SNTG2: variants seen among roughly 807,000 people sequenced by gnomAD.
SNTG2 encodes the protein gamma-2-syntrophin.
A neutral mutation model predicts 70.9 loss-of-function variants in SNTG2; 74 were observed. That is an observed-to-expected ratio of 1.04 (90% CI 0.86 to 1.27). The LOEUF is 1.27. SNTG2 is among the 50% of genes most tolerant of loss of function. The pLI, the probability that SNTG2 is intolerant of heterozygous loss-of-function variation, is 0.00. For synonymous variants in SNTG2, 278 were observed against 273.8 expected, an observed-to-expected ratio of 1.02 and a Z score of -0.15; for missense variants, 717 against 690.7, an observed-to-expected ratio of 1.04 and a Z score of -0.43.
intron 1 of SNTG2, among the ~76,000 whole-genome samples, chr2:1,027,672 G>A: frequency 7.3e-6 from 1 of 136,718 alleles, no homozygotes; most frequent in East Asian, 2.1e-4. Context: ...ATCACTGAAG[G>A]TGCGTCTGAC....
At chr2:1,082,122 G>A (rs898172322) in intron 1 of SNTG2, among the ~76,000 whole-genome samples, 11 of 152,146 alleles carry the variant, frequency 7.2e-5, no homozygotes, top group Admixed American at 3.9e-4. Context: ...TTCCCTCGGC[G>A]ATGGTCTGTG....
At chr2:1,030,774 CCATAAAA>C (rs1660772310) in intron 1 of SNTG2, among the ~76,000 whole-genome samples, 1 of 151,686 alleles carries the variant, frequency 6.6e-6, no homozygotes, top group African/African-American at 2.4e-5. Context: ...CTCAAGTGTA[CCATAAAA>C]CTGTGCATTT....
chr2:1,169,683 A>T (rs1391417729), intron 7 of SNTG2, among the ~76,000 whole-genome samples: 1 of 152,184 alleles, frequency 6.6e-6, no homozygotes, highest in African/African-American at 2.4e-5. Flanking sequence ...ATTGCCAGTC[A>T]CATAGTGACT....
chr2:1,197,549 G>GTATATA lies in SNTG2; in HGVS notation c.592-11549_592-11548insATATAT, dbSNP rs149042012. ...TGTGTGTGTGTGTGTGTGTGTGTGTGTATATTTGATACAGGTTCTCACTGT... is the reference window on the plus strand; with the variant it reads ...TGTGTGTGTGTGTGTGTGTGTGTGTGTATATATATATTTGATACAGGTTCTCACTGT... On this transcript the variant is annotated intron_variant, in intron 8 of 16. Transcript: ENST00000308624. Among the ~76,000 whole-genome samples, 24 of 138,700 alleles carry GTATATA rather than the reference G, an allele frequency of 1.7e-4. 4 individuals carry two copies. Among genetic ancestry groups the GTATATA allele is most frequent in the African/African-American group, 6.3e-4 (23 of 36,744 alleles). 91.0% of individuals were successfully genotyped at this position (138,700 alleles called of 152,430 possible).
At chr2:1,293,591 TTC>T (rs1361973598) in intron 14 of SNTG2, among the ~76,000 whole-genome samples, 8 of 152,230 alleles carry the variant, frequency 5.3e-5, no homozygotes, top group African/African-American at 1.9e-4. Flanking sequence ...CCCTTGTGAT[TTC>T]TTCCTTGACC....
chr2:1,283,144 C>T (rs1458280393), intron 14 of SNTG2, among the ~76,000 whole-genome samples: 1 of 152,100 alleles, frequency 6.6e-6, no homozygotes, highest in African/African-American at 2.4e-5. Flanking sequence ...TGGCCTGCTC[C>T]TTCCGGGAAA....
Position 1,316,339 on chromosome 2 carries a change from G to A in SNTG2, c.1452G>A (p.Leu484=). ...SDDGKTRVKL[L]FQNLDTKQIE... is the part of the protein sequence containing the mutation. ...ATGGGAAAACTCGAGTAAAGCTGCT[G>A]TTTCAGAATCTGGACACCAAACAGA... The change falls in exon 16 of 17, where the codon CTG becomes CTA. Residue 484 remains leucine (L), a synonymous_variant. Transcript: ENST00000308624. 5 of 1,550,098 alleles carry A rather than the reference G, an allele frequency of 3.2e-6. No individual in the cohort carries two copies. Among genetic ancestry groups the A allele is most frequent in the Non-Finnish European group, 3.5e-6 (4 of 1,145,812 alleles).
intron 1 of SNTG2, among the ~76,000 whole-genome samples, chr2:1,037,382 C>CCT (rs2148049062): frequency 6.6e-6 from 1 of 152,348 alleles, no homozygotes; most frequent in South Asian, 2.1e-4. Context: ...CTGAGCCAGA[C>CCT]ATGGATTTAA....
intron 1 of SNTG2, among the ~76,000 whole-genome samples, chr2:1,004,510 G>T (rs1325425320): frequency 6.6e-6 from 1 of 152,184 alleles, no homozygotes; most frequent in Non-Finnish European, 1.5e-5. Context: ...TGGGCAAAAC[G>T]CTTGAACAGA....
chr2:1,127,627 A>T (rs893462688), intron 4 of SNTG2, among the ~76,000 whole-genome samples: 1 of 151,900 alleles, frequency 6.6e-6, no homozygotes, highest in Non-Finnish European at 1.5e-5. Context: ...AATTTTTTCT[A>T]TCAGTGTTTC....
chr2:1,293,764 G>A (rs546585282), intron 14 of SNTG2, among the ~76,000 whole-genome samples: 32 of 152,052 alleles, frequency 2.1e-4, no homozygotes, highest in Non-Finnish European at 4.4e-4. Flanking sequence ...TTTTGCGGCC[G>A]AGCATGTGGA....
At chr2:965,454 T>C (rs184647407) in intron 1 of SNTG2, among the ~76,000 whole-genome samples, 1 of 150,810 alleles carries the variant, frequency 6.6e-6, no homozygotes, top group Non-Finnish European at 1.5e-5. Flanking sequence ...CTGTTCCTGT[T>C]GGTTGCCTCC....
intron 1 of SNTG2, among the ~76,000 whole-genome samples, chr2:969,431 C>T (rs575590460): frequency 6.6e-6 from 1 of 152,086 alleles, no homozygotes; most frequent in Non-Finnish European, 1.5e-5. Flanking sequence ...AAAGAAATAG[C>T]ATTGAATCTG....
chr2:1,247,201 T>G (rs1677479378), intron 11 of SNTG2, 126 bp from the exon 12 acceptor site: 1 of 602,234 alleles, frequency 1.7e-6, no homozygotes, highest in African/African-American at 1.8e-5. Flanking sequence ...ATCTCCACGT[T>G]TCTCCCGTCT....
intron 9 of SNTG2, among the ~76,000 whole-genome samples, chr2:1,222,087 C>CTCTG (rs1675167854): frequency 5.2e-5 from 1 of 19,132 alleles, no homozygotes; most frequent in Non-Finnish European, 1.3e-4. Context: ...CTGTCTCTGT[C>CTCTG]TCTCTCTGTC....
At chr2:1,134,425 C>A (rs1668228817) in intron 4 of SNTG2, among the ~76,000 whole-genome samples, 1 of 151,346 alleles carries the variant, frequency 6.6e-6, no homozygotes, top group African/African-American at 2.4e-5. Context: ...TCCACTTCCC[C>A]ACTAGATTAG....
chr2:991,919 C>T (rs1007676836), intron 1 of SNTG2, among the ~76,000 whole-genome samples: 49 of 152,146 alleles, frequency 3.2e-4, no homozygotes, highest in African/African-American at 1.1e-3. Flanking sequence ...TGGCAGGGAG[C>T]GCTTGTAAGT....
intron 1 of SNTG2, among the ~76,000 whole-genome samples, chr2:1,075,486 T>C (rs1295262739): frequency 2.0e-5 from 3 of 152,202 alleles, no homozygotes; most frequent in African/African-American, 7.2e-5. Context: ...ATGTGGAAAG[T>C]GTTTGTCATT....
chr2:1,137,354 C>T (rs1668456472), intron 4 of SNTG2, among the ~76,000 whole-genome samples: 1 of 151,296 alleles, frequency 6.6e-6, no homozygotes, highest in Admixed American at 6.6e-5. Flanking sequence ...CATGTGTACA[C>T]ACAGGCATGC....
Sources: allele counts gnomAD v4.1 joint callset (sites outside exome capture counted in the v4.1 genomes callset), GRCh38; gene constraint gnomAD v4.1.1; transcripts MANE v1.5; gene names NCBI Gene and HGNC (gene_info 2026-07-23, HGNC 2026-07-21).